Variants in C22orf39 observed in about 807,000 individuals in gnomAD.
C22orf39 encodes chromosome 22 open reading frame 39, also known as synaptic plasticity regulator PANTS.
A neutral mutation model predicts 18.3 loss-of-function variants in C22orf39; 20 were observed. That is an observed-to-expected ratio of 1.09 (90% confidence interval 0.77 to 1.59). The LOEUF is 1.59. Among genes scored for constraint, C22orf39 ranks in the 40% most tolerant of loss-of-function variants. The pLI is 0.00. For synonymous variants in C22orf39, 63 were observed against 59.6 expected, an observed-to-expected ratio of 1.06 and a Z score of -0.26; for missense variants, 195 against 156.1, an observed-to-expected ratio of 1.25 and a Z score of -1.33.
Position 19,440,887 on chromosome 22 carries a change from T to TTA in C22orf39, c.*3377_*3378insTA, listed in dbSNP as rs1231411485. The TTA allele has an allele frequency of 6.6e-6, 1 of 152,224 alleles. No homozygotes were observed. Among genetic ancestry groups the TTA allele is most frequent in the Non-Finnish European group, 1.5e-5 (1 of 68,036 alleles). 9.4% of individuals were successfully genotyped at this position (152,224 alleles called of 1,614,324 possible). A position where few individuals can be genotyped will look rare whatever the true frequency, so the allele number is the denominator to read the frequency against. On this transcript the variant is annotated 3_prime_UTR_variant, in exon 3 of 3. Coordinates refer to ENST00000399562, the MANE Select transcript of C22orf39 (RefSeq NM_173793.5). The stretch of plus-strand genomic sequence containing the variant: ...AGTTTGGTAGGTCATGGCCGACAGT[T>TTA]TGTTTTCAACTTTTTATTTTGAAGT...
chr22:19,444,160 C>G lies in C22orf39; in HGVS notation c.*105G>C. 7.0e-7 allele frequency: 1 copy of G among 1,428,504 alleles called. No individual in the cohort carries two copies. The highest frequency in any genetic ancestry group is 9.1e-7 in the Non-Finnish European group (1 of 1,100,062). The allele number at this position is 1,428,504 out of a possible 1,614,324, so 88.5% of individuals were successfully genotyped here. On this transcript the variant is annotated 3_prime_UTR_variant, in exon 3 of 3. Coordinates refer to ENST00000399562, the MANE Select transcript of C22orf39 (RefSeq NM_173793.5). The stretch of plus-strand genomic sequence containing the variant: ...CCATGTTCCTGTGAGCAAGAGCTCA[C>G]AGGGACCCACCAGACTGTGTAGGCT...
chr22:19,443,093 C>CCCCCCCCCA lies in C22orf39; in HGVS notation c.*1171_*1172insTGGGGGGGG. The CCCCCCCCCA allele has an allele frequency of 1.2e-6, 1 of 814,384 alleles. No individual in the cohort carries two copies. Among genetic ancestry groups the CCCCCCCCCA allele is most frequent in the Non-Finnish European group, 1.5e-6 (1 of 675,932 alleles). 50.4% of individuals were successfully genotyped at this position (814,384 alleles called of 1,614,324 possible). A position where few individuals can be genotyped will look rare whatever the true frequency, so the allele number is the denominator to read the frequency against. On this transcript the variant is annotated 3_prime_UTR_variant, in exon 3 of 3. Transcript: ENST00000399562. ...CCGTGAGCACAACCCCCACCCCCAC[C>CCCCCCCCCA]CCCACTGTTCACAGACACAGGGGCT...
Position 19,444,162 on chromosome 22 carries a change from G to C in C22orf39, c.*103C>G, listed in dbSNP as rs2089628063. 7.0e-7 allele frequency: 1 copy of C among 1,430,138 alleles called. No individual in the cohort carries two copies. The highest frequency in any genetic ancestry group is 9.1e-7 in the Non-Finnish European group (1 of 1,100,802). 88.6% of individuals were successfully genotyped at this position (1,430,138 alleles called of 1,614,324 possible). On this transcript the variant is annotated 3_prime_UTR_variant, in exon 3 of 3. Coordinates refer to ENST00000399562, the MANE Select transcript of C22orf39 (RefSeq NM_173793.5). ...ATGTTCCTGTGAGCAAGAGCTCACA[G>C]GGACCCACCAGACTGTGTAGGCTGG...
At chr22:19,445,810 G>A (rs1190285838) in intron 2 of C22orf39, among the ~76,000 whole-genome samples, 3 of 152,096 alleles carry the variant, frequency 2.0e-5, no homozygotes, top group Admixed American at 6.5e-5. Flanking sequence ...GAGTAGCTGA[G>A]ATTACAGGTG....
chr22:19,444,738 T>C lies in C22orf39; in HGVS notation c.193-348A>G, dbSNP rs563253069. Among the ~76,000 whole-genome samples the C allele has an allele frequency of 4.6e-4, 69 of 151,578 alleles. No individual in the cohort carries two copies. In the South Asian group the frequency reaches 0.014, roughly 31 times the overall value. On this transcript the variant is annotated intron_variant, in intron 2 of 2. Coordinates refer to ENST00000399562, the MANE Select transcript of C22orf39 (RefSeq NM_173793.5). ...CACCTGCTGAGAGTGAGCCTGGGGGTGCTGGGTGGAGAGGAGAGAAGAGTC... is the reference window on the plus strand; with the variant it reads ...CACCTGCTGAGAGTGAGCCTGGGGGCGCTGGGTGGAGAGGAGAGAAGAGTC...
chr22:19,447,261 G>T, intron 2 of C22orf39, 117 bp downstream of exon 2: 12 of 1,073,476 alleles, frequency 1.1e-5, no homozygotes, highest in Non-Finnish European at 1.5e-5. Context: ...GAAGCGTGAG[G>T]AGGATAGGGA....
chr22:19,442,202 C>G lies in C22orf39; in HGVS notation c.*2063G>C, dbSNP rs2089616706. On this transcript the variant is annotated 3_prime_UTR_variant, in exon 3 of 3. Transcript: ENST00000399562. ...TTCAAAACTGTGGTCTTATAAGCCT[C>G]AAACCCTGTCCAACATGTGGACACT... The G allele has an allele frequency of 6.5e-6, 1 of 153,182 alleles. No individual in the cohort carries two copies. The highest frequency in any genetic ancestry group is 2.0e-4 in the South Asian group (1 of 4,940). 9.5% of individuals were successfully genotyped at this position (153,182 alleles called of 1,614,324 possible). A position where few individuals can be genotyped will look rare whatever the true frequency, so the allele number is the denominator to read the frequency against.
Position 19,441,966 on chromosome 22 carries a change from T to C in C22orf39, c.*2299A>G, listed in dbSNP as rs117690366. On this transcript the variant is annotated 3_prime_UTR_variant, in exon 3 of 3. Transcript: ENST00000399562. ...CACGCCACCATGCATAGCTCATTTA[T>C]TTTTTGTAGAGATGGGGTCTTGTTA... 246 of 304,504 alleles carry C rather than the reference T, an allele frequency of 8.1e-4. No individual in the cohort carries two copies. Among genetic ancestry groups the C allele is most frequent in the Middle Eastern group, 3.8e-3 (4 of 1,048 alleles). 18.9% of individuals were successfully genotyped at this position (304,504 alleles called of 1,614,324 possible).
Position 19,443,011 on chromosome 22 carries a change from C to A in C22orf39, c.*1254G>T. On this transcript the variant is annotated 3_prime_UTR_variant, in exon 3 of 3. Coordinates refer to ENST00000399562, the MANE Select transcript of C22orf39 (RefSeq NM_173793.5). ...CCTGGTTGCCTTAGACACATCAGTACTCCCCTGATGATGGGGGAACGCTGG... is the reference window on the plus strand; with the variant it reads ...CCTGGTTGCCTTAGACACATCAGTAATCCCCTGATGATGGGGGAACGCTGG... 2.1e-6 allele frequency: 1 copy of A among 466,794 alleles called. No individual in the cohort carries two copies. Among genetic ancestry groups the A allele is most frequent in the Non-Finnish European group, 2.8e-6 (1 of 356,224 alleles). The allele number at this position is 466,794 out of a possible 1,614,324, so 28.9% of individuals were successfully genotyped here. A position where few individuals can be genotyped will look rare whatever the true frequency, so the allele number is the denominator to read the frequency against.
rs1469834837 is a variant in C22orf39 at position 19,441,733 on chromosome 22, T to C, written c.*2532A>G. On this transcript the variant is annotated 3_prime_UTR_variant, in exon 3 of 3. Transcript: ENST00000399562. ...TTGAAAGATATTGCTCTTATTACAG[T>C]ATTTGTTTTCTTCATACCACCACCA... is the stretch of plus-strand genomic sequence containing the variant. 6 of 1,538,566 alleles carry C rather than the reference T, an allele frequency of 3.9e-6. No individual in the cohort carries two copies. Among genetic ancestry groups the C allele is most frequent in the Non-Finnish European group, 5.3e-6 (6 of 1,141,360 alleles).
At chr22:19,447,585 G>A (rs2089650144) in intron 1 of C22orf39, 40 bp from the exon 2 acceptor site, 4 of 1,416,620 alleles carry the variant, frequency 2.8e-6, no homozygotes, top group East Asian at 5.9e-5. Context: ...CCCGGCGGCC[G>A]CGCCCTACGC....
In C22orf39 at chr22:19,444,322, C is replaced by T. The variant is rs768390938; in HGVS notation, c.261G>A (p.Pro87=). The change falls in exon 3 of 3, where the codon CCG becomes CCA. Residue 87 remains proline (P), a synonymous_variant. Transcript: ENST00000399562. ...AARKHILVWA[P]RQSPPPDWHL... The stretch of plus-strand genomic sequence containing the variant: ...GCCAGTCTGGAGGGGGGCTCTGCCT[C>T]GGGGCCCACACCAGGATGTGCTTCC... 12 of 1,601,022 alleles carry T rather than the reference C, an allele frequency of 7.5e-6. No homozygotes were observed. In the Middle Eastern group the frequency reaches 5.0e-4, roughly 66 times the overall value.
rs906226774 is a variant in C22orf39 at position 19,442,585 on chromosome 22, T to G, written c.*1680A>C. On this transcript the variant is annotated 3_prime_UTR_variant, in exon 3 of 3. Coordinates refer to ENST00000399562, the MANE Select transcript of C22orf39 (RefSeq NM_173793.5). ...CAAACTCATTTTATTATTTTATCTTTGAGACAAGAGTCTCACTCTGTCGCC... is the reference window on the plus strand; with the variant it reads ...CAAACTCATTTTATTATTTTATCTTGGAGACAAGAGTCTCACTCTGTCGCC... The G allele has an allele frequency of 6.6e-6, 1 of 152,258 alleles. No homozygotes were observed. Among genetic ancestry groups the G allele is most frequent in the African/African-American group, 2.4e-5 (1 of 41,438 alleles). 9.4% of individuals were successfully genotyped at this position (152,258 alleles called of 1,614,324 possible).
At chr22:19,446,446 T>C (rs1400550829) in intron 2 of C22orf39, among the ~76,000 whole-genome samples, 1 of 152,176 alleles carries the variant, frequency 6.6e-6, no homozygotes, top group Non-Finnish European at 1.5e-5. Flanking sequence ...GCACTCCCCA[T>C]GAGCCTCGCA....
chr22:19,447,486 G>A lies in C22orf39; in HGVS notation c.84C>T (p.His28=), dbSNP rs1210543397. 1.3e-6 allele frequency: 2 copies of A among 1,508,792 alleles called. No homozygotes were observed. Among genetic ancestry groups the A allele is most frequent in the East Asian group, 5.4e-5 (2 of 36,844 alleles). 93.5% of individuals were successfully genotyped at this position (1,508,792 alleles called of 1,614,324 possible). The change falls in exon 2 of 3, where the codon CAC becomes CAT. Residue 28 remains histidine (H), a synonymous_variant. Coordinates refer to ENST00000399562, the MANE Select transcript of C22orf39 (RefSeq NM_173793.5). The part of the protein sequence containing the change: ...AEWKLCRSAR[H]FLHHYYVHGE... Reference sequence around the variant, plus strand: ...CGTGGACGTAGTAGTGGTGTAGGAAGTGCCTGGCGCTGCGGCAGAGCTTCC... The same window carrying A: ...CGTGGACGTAGTAGTGGTGTAGGAAATGCCTGGCGCTGCGGCAGAGCTTCC...
Position 19,447,658 on chromosome 22 carries a change from C to G in C22orf39, c.24+7G>C. ...GGTGGTTCCCGGCTCCGACCCAGCA[C>G]ACTCACCTGCCAGCCGCTGCCGTCC... On this transcript the variant is annotated splice_region_variant and intron_variant, in intron 1 of 2. Coordinates refer to ENST00000399562, the MANE Select transcript of C22orf39 (RefSeq NM_173793.5). The G allele has an allele frequency of 6.2e-7, 1 of 1,610,864 alleles. No individual in the cohort carries two copies. The highest frequency in any genetic ancestry group is 8.5e-7 in the Non-Finnish European group (1 of 1,178,892).
At chr22:19,444,952 G>A (rs977023457) in intron 2 of C22orf39, among the ~76,000 whole-genome samples, 2 of 152,180 alleles carry the variant, frequency 1.3e-5, no homozygotes, top group Non-Finnish European at 2.9e-5. Flanking sequence ...TCCCAATACA[G>A]ACACAAGTCA....
chr22:19,441,704 A>G lies in C22orf39; in HGVS notation c.*2561T>C, dbSNP rs987850589. The G allele has an allele frequency of 6.5e-7, 1 of 1,550,218 alleles. No homozygotes were observed. ...CCACCACACTTAGCACCTGTCCAAA[A>G]AGTTTGAAAGATATTGCTCTTATTA... On this transcript the variant is annotated 3_prime_UTR_variant, in exon 3 of 3. Coordinates refer to ENST00000399562, the MANE Select transcript of C22orf39 (RefSeq NM_173793.5).
Position 19,444,288 on chromosome 22 carries a change from G to C in C22orf39, c.295C>G (p.Leu99Val). 1 of 1,595,756 alleles carries C rather than the reference G, an allele frequency of 6.3e-7. No homozygotes were observed. The highest frequency in any genetic ancestry group is 8.5e-7 in the Non-Finnish European group (1 of 1,173,376). ...QSPPPDWHLP[L>V]PQEKDE ...TGTCACTCGTCCTTCTCCTGTGGCA[G>C]AGGGAGATGCCAGTCTGGAGGGGGG... The change falls in exon 3 of 3, where the codon CTG becomes GTG. Residue 99 changes from leucine (L) to valine (V), a missense_variant. Coordinates refer to ENST00000399562, the MANE Select transcript of C22orf39 (RefSeq NM_173793.5).
Sources: gnomAD v4.1 joint callset for allele counts (sites outside exome capture counted in the v4.1 genomes callset) on GRCh38, gnomAD v4.1.1 for gene constraint, MANE v1.5 for transcripts, NCBI Gene and HGNC (gene_info 2026-07-23, HGNC 2026-07-21) for gene names.